Variants in CDH18 observed in about 807,000 individuals in gnomAD.
The protein encoded by CDH18 is cadherin-18.
Under a neutral mutation model 67.9 loss-of-function variants are expected in CDH18, and 31 were observed. The observed-to-expected ratio is 0.46, with a 90% CI of 0.34 to 0.62. The LOEUF (loss-of-function observed/expected upper bound fraction) is 0.62, where lower values mean the gene tolerates loss of function less well. Ranked by LOEUF, CDH18 falls within the 20% of genes least tolerant of loss-of-function variation. The pLI, the probability that CDH18 is intolerant of heterozygous loss-of-function variation, is 0.01. For missense variants in CDH18, 890 were observed against 975.5 expected (o/e 0.91, Z 1.17); for synonymous variants, 362 against 347.2 (o/e 1.04, Z -0.48).
intron 1 of CDH18, among the ~76,000 whole-genome samples, chr5:20,360,666 C>T (rs1365952336): frequency 6.6e-6 from 1 of 152,170 alleles, no homozygotes; most frequent in Non-Finnish European, 1.5e-5. Context: ...TTCAAGATGA[C>T]ACAATTAGCA....
chr5:20,359,590 A>G (rs559177115), intron 1 of CDH18, among the ~76,000 whole-genome samples: 1 of 152,316 alleles, frequency 6.6e-6, no homozygotes, highest in East Asian at 1.9e-4. Flanking sequence ...TGAAGAGAAC[A>G]ATGGAGTTGA....
upstream of CDH18, among the ~76,000 whole-genome samples, chr5:19,992,898 G>A (rs1800062540): frequency 1.3e-5 from 2 of 152,168 alleles, no homozygotes; most frequent in African/African-American, 4.8e-5. Context: ...CAACTTTTGG[G>A]TGTTGCTACA....
At chr5:20,487,126 A>C (rs1375698071) in intron 1 of CDH18, among the ~76,000 whole-genome samples, 2 of 152,280 alleles carry the variant, frequency 1.3e-5, no homozygotes, top group East Asian at 3.9e-4. Flanking sequence ...CTAGTTCAAC[A>C]CTGTGGTTGC....
chr5:20,242,633 T>C (rs867116587), intron 2 of CDH18, among the ~76,000 whole-genome samples: 202 of 26,454 alleles, frequency 7.6e-3, no homozygotes, highest in South Asian at 0.013. Context: ...TATATATATA[T>C]GTATATATAT....
At chr5:19,653,919 C>A (rs765172898) in intron 5 of CDH18, among the ~76,000 whole-genome samples, 84 of 152,124 alleles carry the variant, frequency 5.5e-4, no homozygotes, top group Non-Finnish European at 9.9e-4. Flanking sequence ...CACTTCTCAC[C>A]AATAAGGCCC....
intron 5 of CDH18, among the ~76,000 whole-genome samples, chr5:19,661,819 T>C (rs1202424569): frequency 6.6e-6 from 1 of 152,208 alleles, no homozygotes; most frequent in East Asian, 1.9e-4. Context: ...GCAATGAATT[T>C]ACCCTCCGCT....
chr5:20,211,575 C>G (rs866615497), intron 2 of CDH18, among the ~76,000 whole-genome samples: 9 of 152,162 alleles, frequency 5.9e-5, no homozygotes, highest in African/African-American at 1.7e-4. Flanking sequence ...GCAACATTTG[C>G]TGTTCTGCAA....
chr5:20,532,622 C>T (rs1756475598), intron 1 of CDH18, among the ~76,000 whole-genome samples: 1 of 152,050 alleles, frequency 6.6e-6, no homozygotes, highest in Non-Finnish European at 1.5e-5. Context: ...TTAAGTTACT[C>T]ATTGCCATCT....
At chr5:20,021,241 C>T (rs1363138908) in intron 2 of CDH18, among the ~76,000 whole-genome samples, 3 of 152,048 alleles carry the variant, frequency 2.0e-5, no homozygotes, top group Non-Finnish European at 4.4e-5. Flanking sequence ...TTTACTGTCT[C>T]ATAGGTGTAA....
At chr5:20,542,554 A>C (rs1757111976) in intron 1 of CDH18, among the ~76,000 whole-genome samples, 1 of 151,782 alleles carries the variant, frequency 6.6e-6, no homozygotes, top group Admixed American at 6.6e-5. Context: ...ATATATATAC[A>C]TATATATACA....
intron 5 of CDH18, among the ~76,000 whole-genome samples, chr5:19,672,239 G>C (rs1028559737): frequency 3.3e-5 from 5 of 152,080 alleles, no homozygotes; most frequent in African/African-American, 1.2e-4. Context: ...AGAGTTTGCT[G>C]CACAGGCACT....
chr5:19,940,370 C>T (rs918959216), intron 2 of CDH18, among the ~76,000 whole-genome samples: 6 of 151,916 alleles, frequency 3.9e-5, no homozygotes, highest in African/African-American at 1.4e-4. Context: ...TCTGTCCTAA[C>T]TCATTGCACT....
At chr5:19,536,517 T>C (rs1392186967) in intron 9 of CDH18, among the ~76,000 whole-genome samples, 1 of 151,978 alleles carries the variant, frequency 6.6e-6, no homozygotes, top group Admixed American at 6.6e-5. Flanking sequence ...ACACGTGGAG[T>C]TTATTTCTTA....
chr5:19,825,722 CA>C (rs1780336116), intron 3 of CDH18, among the ~76,000 whole-genome samples: 1 of 151,128 alleles, frequency 6.6e-6, no homozygotes, highest in African/African-American at 2.4e-5. Flanking sequence ...TAAAAGCAAA[CA>C]AAACTTATGC....
intron 1 of CDH18, among the ~76,000 whole-genome samples, chr5:20,459,149 CAA>C (rs1216240406): frequency 6.6e-6 from 1 of 152,014 alleles, no homozygotes; most frequent in African/African-American, 2.4e-5. Context: ...TTGAGAAAAA[CAA>C]AACAAAACAA....
intron 5 of CDH18, among the ~76,000 whole-genome samples, chr5:19,634,178 G>A (rs77843739): frequency 0.013 from 2,047 of 152,258 alleles, 45 homozygotes; most frequent in African/African-American, 0.047. Flanking sequence ...TATGTTTGCA[G>A]AATTGTTTTA....
At chr5:19,820,233 C>T (rs1206286801) in intron 3 of CDH18, among the ~76,000 whole-genome samples, 3 of 152,056 alleles carry the variant, frequency 2.0e-5, no homozygotes, top group Non-Finnish European at 2.9e-5. Flanking sequence ...TGGCCAGCTG[C>T]AATTTCTCCC....
At chr5:20,264,792 A>G (rs756878958) in intron 1 of CDH18, among the ~76,000 whole-genome samples, 2 of 152,160 alleles carry the variant, frequency 1.3e-5, no homozygotes, top group African/African-American at 2.4e-5. Context: ...TTAGAGTGAC[A>G]TAAAATTAGT....
chr5:19,748,936 C>T (rs1360365030), intron 3 of CDH18, among the ~76,000 whole-genome samples: 1 of 151,936 alleles, frequency 6.6e-6, no homozygotes, highest in Non-Finnish European at 1.5e-5. Context: ...TTTAAAAATG[C>T]TTATTTAGAT....
Sources: allele counts gnomAD v4.1 joint callset (sites outside exome capture counted in the v4.1 genomes callset), GRCh38; gene constraint gnomAD v4.1.1; transcripts MANE v1.5; gene names NCBI Gene and HGNC (gene_info 2026-07-23, HGNC 2026-07-21).